Variants in GABRB3 observed in about 807,000 individuals in gnomAD.
GABRB3 encodes gamma-aminobutyric acid receptor subunit beta-3.
GABRB3 carries 14 observed loss-of-function variants against 52.1 expected under a neutral mutation model. The observed-to-expected ratio is 0.27, with a 90% confidence interval of 0.18 to 0.42. The LOEUF is 0.42. Ranked by LOEUF, GABRB3 falls within the 10% of genes least tolerant of loss-of-function variation. GABRB3 has a pLI of 1.00. For missense variants in GABRB3, 307 were observed against 609.1 expected, an observed-to-expected ratio of 0.50 and a Z score of 5.22; for synonymous variants, 260 against 232.3, an observed-to-expected ratio of 1.12 and a Z score of -1.08.
At chr15:26,710,962 G>A (rs771937094) in intron 3 of GABRB3, among the ~76,000 whole-genome samples, 14 of 149,946 alleles carry the variant, frequency 9.3e-5, no homozygotes, top group Non-Finnish European at 2.1e-4. Context: ...CTGGGAGACT[G>A]TTTTTGACAT....
chr15:26,609,908 G>C (rs775827196), intron 4 of GABRB3, among the ~76,000 whole-genome samples: 3 of 152,068 alleles, frequency 2.0e-5, no homozygotes, highest in Non-Finnish European at 4.4e-5. Context: ...AGTTTCTTTT[G>C]AGTAACCATA....
chr15:26,588,306 C>T (rs1293583234), intron 4 of GABRB3, among the ~76,000 whole-genome samples: 5 of 152,168 alleles, frequency 3.3e-5, no homozygotes, highest in African/African-American at 1.2e-4. Flanking sequence ...CATATCTGTA[C>T]TTTATGGAAC....
At chr15:26,754,096 A>G (rs570272954) in intron 3 of GABRB3, among the ~76,000 whole-genome samples, 2 of 152,244 alleles carry the variant, frequency 1.3e-5, no homozygotes, top group Admixed American at 6.5e-5. Flanking sequence ...GAAAAAAGCA[A>G]CATAAACCCA....
intron 3 of GABRB3, among the ~76,000 whole-genome samples, chr15:26,689,656 C>G (rs905644950): frequency 6.6e-6 from 1 of 152,016 alleles, no homozygotes; most frequent in Non-Finnish European, 1.5e-5. Context: ...ACACGAAACC[C>G]CTCACTGTGC....
chr15:26,741,907 A>T (rs1338701336), intron 3 of GABRB3, among the ~76,000 whole-genome samples: 1 of 152,136 alleles, frequency 6.6e-6, no homozygotes, highest in Non-Finnish European at 1.5e-5. Context: ...GTCTGACAGT[A>T]TTTATGCTAA....
chr15:26,773,652 G>T (rs767732543), upstream of GABRB3: 2 of 1,565,416 alleles, frequency 1.3e-6, no homozygotes, highest in Admixed American at 1.9e-5. Flanking sequence ...CACCTGCGGG[G>T]CTCAGAGCCT....
intron 3 of GABRB3, among the ~76,000 whole-genome samples, chr15:26,648,012 G>C (rs1187629429): frequency 6.6e-6 from 1 of 152,194 alleles, no homozygotes; most frequent in Admixed American, 6.5e-5. Context: ...AGATTTACCA[G>C]CCTAACCATC....
intron 3 of GABRB3, among the ~76,000 whole-genome samples, chr15:26,708,670 T>C (rs28495749): frequency 0.013 from 1,906 of 152,334 alleles, 38 homozygotes; most frequent in African/African-American, 0.044. Context: ...GGAATCAGCA[T>C]GTGCAAAAGA....
intron 3 of GABRB3, among the ~76,000 whole-genome samples, chr15:26,643,765 T>G (rs562894283): frequency 6.6e-6 from 1 of 152,182 alleles, no homozygotes; most frequent in African/African-American, 2.4e-5. Context: ...CAACAAACAC[T>G]ACTGGTGACC....
intron 7 of GABRB3, among the ~76,000 whole-genome samples, chr15:26,563,844 C>T (rs1017831722): frequency 1.3e-5 from 2 of 151,328 alleles, no homozygotes; most frequent in Non-Finnish European, 2.9e-5. Flanking sequence ...TTGCTAGCCT[C>T]AACTTATTTG....
At chr15:26,597,315 GTTAAAT>G (rs1253426540) in intron 4 of GABRB3, among the ~76,000 whole-genome samples, 1 of 152,172 alleles carries the variant, frequency 6.6e-6, no homozygotes. Context: ...AAGCCATGAT[GTTAAAT>G]GACAAAGAGG....
chr15:26,561,301 G>A (rs900937526), intron 7 of GABRB3, 125 bp from the exon 8 acceptor site: 5 of 1,343,226 alleles, frequency 3.7e-6, no homozygotes, highest in Admixed American at 3.4e-5. Flanking sequence ...ATACTGTGGG[G>A]TGACTGGAAT....
At chr15:26,654,752 C>A (rs1218678297) in intron 3 of GABRB3, among the ~76,000 whole-genome samples, 4 of 151,850 alleles carry the variant, frequency 2.6e-5, no homozygotes, top group Non-Finnish European at 4.4e-5. Flanking sequence ...CACAGTGAGA[C>A]CTTGTCTCAA....
chr15:26,599,483 G>T (rs952668039), intron 4 of GABRB3, among the ~76,000 whole-genome samples: 3 of 152,188 alleles, frequency 2.0e-5, no homozygotes, highest in Admixed American at 2.0e-4. Context: ...TCCATAACCA[G>T]CCTGACCAGG....
intron 3 of GABRB3, among the ~76,000 whole-genome samples, chr15:26,633,758 C>T (rs927202410): frequency 1.2e-4 from 18 of 152,182 alleles, no homozygotes; most frequent in African/African-American, 4.3e-4. Context: ...GTTTACTTTC[C>T]TGTTACCATT....
At chr15:26,715,995 CAG>C (rs1245711076) in intron 3 of GABRB3, among the ~76,000 whole-genome samples, 1 of 152,182 alleles carries the variant, frequency 6.6e-6, no homozygotes, top group Admixed American at 6.5e-5. Flanking sequence ...GTTGTGAACA[CAG>C]TGCTGGTTTT....
At chr15:26,642,521 T>G in intron 3 of GABRB3, 1 of 1,286,752 alleles carries the variant, frequency 7.8e-7, no homozygotes, top group Non-Finnish European at 1.0e-6. Context: ...GTGCAGTTCC[T>G]GCATAGCCTG....
Position 26,770,190 on chromosome 15 carries a change from G to A in GABRB3, c.240+2212C>T, listed in dbSNP as rs1891108960. On this transcript the variant is annotated intron_variant, in intron 3 of 8. Transcript: ENST00000311550. ...GACGTGACCAATCTGCTTGTGGGAGGAAGACATTTTAAATGGCTGACATTC... is the reference window on the plus strand; with the variant it reads ...GACGTGACCAATCTGCTTGTGGGAGAAAGACATTTTAAATGGCTGACATTC... Among the ~76,000 whole-genome samples the A allele has an allele frequency of 3.3e-5, 5 of 152,238 alleles. No individual in the cohort carries two copies. In the South Asian group the frequency reaches 1.0e-3, roughly 32 times the overall value.
At chr15:26,561,744 T>A (rs988792427) in intron 7 of GABRB3, among the ~76,000 whole-genome samples, 1 of 152,210 alleles carries the variant, frequency 6.6e-6, no homozygotes, top group African/African-American at 2.4e-5. Flanking sequence ...TTATTAGCCA[T>A]GAGATCCAGT....
Sources: allele counts gnomAD v4.1 joint callset (sites outside exome capture counted in the v4.1 genomes callset), GRCh38; gene constraint gnomAD v4.1.1; transcripts MANE v1.5; gene names NCBI Gene and HGNC (gene_info 2026-07-23, HGNC 2026-07-21).